The following LPIN2 variants were observed in gnomAD, a reference collection of about 807,000 sequenced individuals.
LPIN2 encodes phosphatidate phosphatase LPIN2.
A neutral mutation model predicts 111.4 loss-of-function variants in LPIN2; 55 were observed. The observed-to-expected ratio is 0.49, with a 90% confidence interval of 0.40 to 0.62. The LOEUF (loss-of-function observed/expected upper bound fraction) is 0.62, where lower values mean the gene tolerates loss of function less well. LPIN2 is among the 20% of genes least tolerant of loss of function. The pLI is 0.00. For synonymous variants in LPIN2, 425 were observed against 414.0 expected (o/e 1.03, Z -0.32); for missense variants, 992 against 1,112.1 (o/e 0.89, Z 1.54).
intron 4 of LPIN2, chr18:2,946,397 G>T: frequency 6.8e-7 from 1 of 1,480,420 alleles, no homozygotes; most frequent in Non-Finnish European, 9.4e-7. Flanking sequence ...AAAATCAGTT[G>T]TTCTTCTCTT....
intron 1 of LPIN2, among the ~76,000 whole-genome samples, chr18:3,011,544 G>C (rs1268710267): frequency 2.0e-5 from 3 of 152,118 alleles, no homozygotes; most frequent in Non-Finnish European, 4.4e-5. Context: ...AAAATTAGCT[G>C]AGTGTGGTGG....
chr18:2,982,719 T>C, intron 1 of LPIN2: 2 of 1,304,012 alleles, frequency 1.5e-6, no homozygotes, highest in South Asian at 1.2e-5. Context: ...TTTTACTTAA[T>C]GAGCCTTTAC....
At chr18:2,994,873 G>T (rs1242641311) in intron 1 of LPIN2, among the ~76,000 whole-genome samples, 2 of 152,212 alleles carry the variant, frequency 1.3e-5, no homozygotes, top group Admixed American at 1.3e-4. Context: ...ATATGGCCCT[G>T]TATTGATAAG....
Position 2,920,316 on chromosome 18 carries a change from C to T in LPIN2, c.2668G>A (p.Val890Met). The T allele has an allele frequency of 6.2e-7, 1 of 1,614,176 alleles. No individual in the cohort carries two copies. ...FCYWRDPIPE[V>M]DLDDLS ...CCTCAAGACAGGTCATCCAGGTCCACTTCAGGGATCGGGTCTCGCCAGTAG... is the reference window on the plus strand; with the variant it reads ...CCTCAAGACAGGTCATCCAGGTCCATTTCAGGGATCGGGTCTCGCCAGTAG... Residue 890 changes from valine to methionine, a missense_variant, in exon 20 of 20, where the codon GTG becomes ATG. Val to Met is a conservative substitution (Grantham distance 21, BLOSUM62 1). Transcript: ENST00000677752.
At chr18:2,927,602 G>A in intron 12 of LPIN2, 120 bp downstream of exon 12, 1 of 1,024,382 alleles carries the variant, frequency 9.8e-7, no homozygotes, top group South Asian at 1.3e-5. Flanking sequence ...AATGGAAACT[G>A]CTATATGGTA....
At chr18:2,951,443 C>A in intron 3 of LPIN2, 87 bp from the exon 4 acceptor site, 2 of 1,092,420 alleles carry the variant, frequency 1.8e-6, no homozygotes, top group Admixed American at 2.9e-5. Flanking sequence ...TAAATTTTCA[C>A]CATGGTAAAA....
At chr18:2,935,909 C>A (rs897081495) in intron 7 of LPIN2, among the ~76,000 whole-genome samples, 1 of 152,178 alleles carries the variant, frequency 6.6e-6, no homozygotes, top group African/African-American at 2.4e-5. Flanking sequence ...GGGTTCCTGT[C>A]TCTAGTCAGA....
At chr18:2,943,732 G>A (rs1470320715) in intron 4 of LPIN2, among the ~76,000 whole-genome samples, 1 of 152,118 alleles carries the variant, frequency 6.6e-6, no homozygotes, top group Non-Finnish European at 1.5e-5. Flanking sequence ...AGTATCAGAT[G>A]TTTATGTACT....
chr18:2,994,700 G>A (rs2078314828), intron 1 of LPIN2, among the ~76,000 whole-genome samples: 1 of 152,208 alleles, frequency 6.6e-6, no homozygotes, highest in South Asian at 2.1e-4. Flanking sequence ...GGTGAGGAGT[G>A]TAGCAGCCCT....
At chr18:2,962,529 T>TA (rs553557826) in intron 1 of LPIN2, among the ~76,000 whole-genome samples, 5 of 150,624 alleles carry the variant, frequency 3.3e-5, no homozygotes, top group African/African-American at 4.9e-5. Flanking sequence ...ATAAGAAACA[T>TA]AAAAAAAAAG....
chr18:2,952,199 G>C (rs1488548288), intron 3 of LPIN2, among the ~76,000 whole-genome samples: 34 of 152,224 alleles, frequency 2.2e-4, no homozygotes, highest in Admixed American at 2.2e-3. Context: ...GGCAGAGGCA[G>C]GCGGATCACC....
intron 4 of LPIN2, among the ~76,000 whole-genome samples, chr18:2,943,869 A>G (rs1339578207): frequency 6.6e-6 from 1 of 152,216 alleles, no homozygotes; most frequent in Non-Finnish European, 1.5e-5. Context: ...TATATTAACT[A>G]CAACTAAGTT....
Position 2,926,805 on chromosome 18 carries a change from G to C in LPIN2, c.1711C>G (p.Leu571Val), listed in dbSNP as rs151293770. The C allele has an allele frequency of 5.6e-6, 9 of 1,613,108 alleles. No homozygotes were observed. Among genetic ancestry groups the C allele is most frequent in the Non-Finnish European group, 7.6e-6 (9 of 1,179,548 alleles). The change falls in exon 13 of 20, where the codon CTG becomes GTG. Residue 571 changes from leucine (L) to valine (V), a missense_variant and splice_region_variant. This residue lies in a region of LPIN2 where 709 missense variants were observed against 753.2 expected (regional missense o/e 0.94). Coordinates refer to ENST00000677752, the MANE Select transcript of LPIN2 (RefSeq NM_001375808.2). ...GATTTTCCCTCCTTGGATTCTGGCA[G>C]CTGTAACAGCAAGATGATAATGGCA... ...WRKRESMTKQ[L>V]PESKEGKSEA... is the part of the protein sequence containing the mutation.
intron 1 of LPIN2, among the ~76,000 whole-genome samples, chr18:3,009,960 T>C (rs775382300): frequency 1.3e-5 from 2 of 152,300 alleles, no homozygotes; most frequent in Middle Eastern, 3.4e-3. Context: ...TTTTTTCTTC[T>C]CCTTCCTTTC....
intron 1 of LPIN2, chr18:2,966,870 G>C (rs2077811900): frequency 1.3e-5 from 2 of 152,150 alleles, no homozygotes; most frequent in African/African-American, 2.4e-5. Flanking sequence ...CAAAGAACAT[G>C]CCATTGCAGC....
Position 2,919,663 on chromosome 18 carries a change from G to A in LPIN2, c.*630C>T, listed in dbSNP as rs537905405. On this transcript the variant is annotated 3_prime_UTR_variant, in exon 20 of 20. Coordinates refer to ENST00000677752, the MANE Select transcript of LPIN2 (RefSeq NM_001375808.2). ...ACAGATGAGAGGAGGATGCTCTGTG[G>A]GGATCTTTCCCCAAAGAGGGCCAGG... 4 of 159,652 alleles carry A rather than the reference G, an allele frequency of 2.5e-5. No homozygotes were observed. The highest frequency in any genetic ancestry group is 5.5e-5 in the Non-Finnish European group (4 of 72,212). 9.9% of individuals were successfully genotyped at this position (159,652 alleles called of 1,614,324 possible). A position where few individuals can be genotyped will look rare whatever the true frequency, so the allele number is the denominator to read the frequency against.
In LPIN2 at chr18:2,920,112, G is replaced by A. The variant is rs887735826; in HGVS notation, c.*181C>T. Reference sequence around the variant, plus strand: ...CCTCCCTTCTCCTTCCAGGAGCTGAGCTGCAGACCTGCCGAGCCTGAGCAG... The same window carrying A: ...CCTCCCTTCTCCTTCCAGGAGCTGAACTGCAGACCTGCCGAGCCTGAGCAG... On this transcript the variant is annotated 3_prime_UTR_variant, in exon 20 of 20. Transcript: ENST00000677752. The A allele has an allele frequency of 2.7e-6, 2 of 744,904 alleles. No homozygotes were observed. Among genetic ancestry groups the A allele is most frequent in the African/African-American group, 1.7e-5 (1 of 57,824 alleles). 46.1% of individuals were successfully genotyped at this position (744,904 alleles called of 1,614,324 possible).
In LPIN2 at chr18:2,920,306, T is replaced by C. The variant is rs1830594288; in HGVS notation, c.2678A>G (p.Asp893Gly). Residue 893 changes from aspartate to glycine, a missense_variant, in exon 20 of 20, where the codon GAT becomes GGT. This residue lies in a region of LPIN2 where 185 missense variants were observed against 186.5 expected (regional missense o/e 0.99). Coordinates refer to ENST00000677752, the MANE Select transcript of LPIN2 (RefSeq NM_001375808.2). ...TGAGGTGCCGCCTCAAGACAGGTCA[T>C]CCAGGTCCACTTCAGGGATCGGGTC... ...WRDPIPEVDL[D>G]DLS 1 of 1,613,980 alleles carries C rather than the reference T, an allele frequency of 6.2e-7. No individual in the cohort carries two copies. The highest frequency in any genetic ancestry group is 1.7e-5 in the Admixed American group (1 of 60,008).
At chr18:2,980,603 C>G (rs2078094541) in intron 1 of LPIN2, among the ~76,000 whole-genome samples, 1 of 152,198 alleles carries the variant, frequency 6.6e-6, no homozygotes, top group South Asian at 2.1e-4. Flanking sequence ...TTGGCATCAA[C>G]CAGAGGTGCC....
Sources: allele counts gnomAD v4.1 joint callset (sites outside exome capture counted in the v4.1 genomes callset), GRCh38; gene constraint gnomAD v4.1.1; regional missense constraint gnomAD v4.1.1; transcripts MANE v1.5; gene names NCBI Gene and HGNC (gene_info 2026-07-23, HGNC 2026-07-21).